The following JAKMIP1 variants were observed in gnomAD, a reference collection of about 807,000 sequenced individuals.
The protein encoded by JAKMIP1 is janus kinase and microtubule-interacting protein 1.
JAKMIP1 carries 33 observed loss-of-function variants against 113.0 expected under a neutral mutation model. That is an observed-to-expected ratio of 0.29 (90% CI 0.22 to 0.39). JAKMIP1 has a LOEUF of 0.39. JAKMIP1 is among the 10% of genes least tolerant of loss of function. The pLI is 1.00. For synonymous variants in JAKMIP1, 480 were observed against 459.9 expected, an observed-to-expected ratio of 1.04 and a Z score of -0.56; for missense variants, 813 against 1,080.5, an observed-to-expected ratio of 0.75 and a Z score of 3.47.
chr4:6,133,867 T>G (rs1357755216), intron 1 of JAKMIP1, among the ~76,000 whole-genome samples: 1 of 152,230 alleles, frequency 6.6e-6, no homozygotes, highest in Non-Finnish European at 1.5e-5. Context: ...CTTCTCTCTC[T>G]TCTTGGCTGC....
rs1385731055 is a variant in JAKMIP1, at chr4:6,076,666, C to T, written c.1302+2273G>A. Among the ~76,000 whole-genome samples, 6 of 152,036 alleles carry T rather than the reference C, an allele frequency of 3.9e-5. No individual in the cohort carries two copies. The highest frequency in any genetic ancestry group is 7.4e-5 in the Non-Finnish European group (5 of 68,020). On this transcript the variant is annotated intron_variant, in intron 8 of 20. Coordinates refer to ENST00000409021, the MANE Select transcript of JAKMIP1 (RefSeq NM_001099433.2). The surrounding 1 kb of genome is among the most constrained non-coding windows in gnomAD (Gnocchi z 4.8). ...GGTATATATTTTACAGGCTGAGTGT[C>T]CTTTATCTGAAATACTTGGAACCAG...
chr4:6,084,188 A>G (rs1720959276), intron 5 of JAKMIP1, among the ~76,000 whole-genome samples: 1 of 152,026 alleles, frequency 6.6e-6, no homozygotes, highest in Admixed American at 6.5e-5. Context: ...ATGGTGGCAC[A>G]TGCCTGTAAT....
In JAKMIP1 at chr4:6,069,993, G is replaced by T. The variant is rs760618028; in HGVS notation, c.1303-4985C>A. On this transcript the variant is annotated intron_variant, in intron 8 of 20. Coordinates refer to ENST00000409021, the MANE Select transcript of JAKMIP1 (RefSeq NM_001099433.2). This position sits in a 1 kb window ranked among gnomAD's most constrained non-coding sequence, Gnocchi z 4.5. ...GCCACCTGTCACAGGCAGGAGCATC[G>T]GTCGGCCACAGCCAGGGACCGCCAG... 2 of 398,002 alleles carry T rather than the reference G, an allele frequency of 5.0e-6. No homozygotes were observed. The highest frequency in any genetic ancestry group is 1.3e-4 in the South Asian group (1 of 7,766). 24.7% of individuals were successfully genotyped at this position (398,002 alleles called of 1,614,324 possible). A position where few individuals can be genotyped will look rare whatever the true frequency, so the allele number is the denominator to read the frequency against.
At chr4:6,043,843 A>G (rs1038999479) in intron 16 of JAKMIP1, among the ~76,000 whole-genome samples, 1 of 151,068 alleles carries the variant, frequency 6.6e-6, no homozygotes, top group African/African-American at 2.4e-5. Flanking sequence ...ACATCCCAGC[A>G]CCCCCGACAA....
chr4:6,169,262 G>T (rs1315793965), intron 1 of JAKMIP1, among the ~76,000 whole-genome samples: 2 of 152,162 alleles, frequency 1.3e-5, no homozygotes, highest in East Asian at 1.9e-4. Flanking sequence ...GGTTCCTGCA[G>T]GTGTCATGAG....
chr4:6,049,053 A>C lies in JAKMIP1; in HGVS notation c.1963-131T>G. ...ATTATGTTTGTTTGTTTTGAGACGG[A>C]GTCTCTCTCTGTCACCTGGGTTTGA... is the stretch of plus-strand genomic sequence containing the variant. On this transcript the variant is annotated intron_variant, in intron 15 of 20. Coordinates refer to ENST00000409021, the MANE Select transcript of JAKMIP1 (RefSeq NM_001099433.2). This position sits in a 1 kb window ranked among gnomAD's most constrained non-coding sequence, Gnocchi z 7.0. 1.4e-6 allele frequency: 1 copy of C among 696,636 alleles called. No homozygotes were observed. Among genetic ancestry groups the C allele is most frequent in the Non-Finnish European group, 2.5e-6 (1 of 400,946 alleles). 43.2% of individuals were successfully genotyped at this position (696,636 alleles called of 1,614,324 possible). A position where few individuals can be genotyped will look rare whatever the true frequency, so the allele number is the denominator to read the frequency against.
In JAKMIP1 at chr4:6,044,084, C is replaced by T. The variant is rs1275968424; in HGVS notation, c.2029-1857G>A. On this transcript the variant is annotated intron_variant, in intron 16 of 20. Transcript: ENST00000409021. The surrounding 1 kb of genome is among the most constrained non-coding windows in gnomAD (Gnocchi z 4.4). ...TCTTCAGGCCCTGAGCTAGCTGTCACCTCCTCCAGGAAGCCTACCCTGCTT... is the reference window on the plus strand; with the variant it reads ...TCTTCAGGCCCTGAGCTAGCTGTCATCTCCTCCAGGAAGCCTACCCTGCTT... 1.3e-5 allele frequency among the ~76,000 whole-genome samples: 2 copies of T among 152,122 alleles called. No individual in the cohort carries two copies. Among genetic ancestry groups the T allele is most frequent in the African/African-American group, 4.8e-5 (2 of 41,506 alleles).
In JAKMIP1 at chr4:6,137,797, G is replaced by C. The variant is rs935424151; in HGVS notation, c.-147-24800C>G. On this transcript the variant is annotated intron_variant, in intron 1 of 20. Transcript: ENST00000409021. The surrounding 1 kb of genome is among the most constrained non-coding windows in gnomAD (Gnocchi z 4.5). Reference sequence around the variant, plus strand: ...TGACCTGAACACAAGTGAGAGCCAGGTGGGGATAGGACAAGGTGCCCACTG... The same window carrying C: ...TGACCTGAACACAAGTGAGAGCCAGCTGGGGATAGGACAAGGTGCCCACTG... 6.6e-6 allele frequency among the ~76,000 whole-genome samples: 1 copy of C among 152,378 alleles called. No homozygotes were observed. Among genetic ancestry groups the C allele is most frequent in the East Asian group, 1.9e-4 (1 of 5,188 alleles).
chr4:6,129,066 G>A lies in JAKMIP1; in HGVS notation c.-147-16069C>T, dbSNP rs561909409. On this transcript the variant is annotated intron_variant, in intron 1 of 20. Transcript: ENST00000409021. The surrounding 1 kb of genome is among the most constrained non-coding windows in gnomAD (Gnocchi z 5.4). Reference sequence around the variant, plus strand: ...GCAAGGTGCCTTGCCCAGAGCAGGTGACAGTACCCCTGGGAGCCCTCTTTG... The same window carrying A: ...GCAAGGTGCCTTGCCCAGAGCAGGTAACAGTACCCCTGGGAGCCCTCTTTG... Among the ~76,000 whole-genome samples the A allele has an allele frequency of 2.0e-5, 3 of 152,322 alleles. No homozygotes were observed. Among genetic ancestry groups the A allele is most frequent in the East Asian group, 1.9e-4 (1 of 5,172 alleles).
intron 8 of JAKMIP1, among the ~76,000 whole-genome samples, chr4:6,074,113 A>G (rs938127333): frequency 1.3e-5 from 2 of 152,252 alleles, no homozygotes; most frequent in African/African-American, 4.8e-5. Flanking sequence ...ATCAGCACCA[A>G]TCTTGTCCCT....
At chr4:6,070,778 A>T (rs961424962) in intron 8 of JAKMIP1, among the ~76,000 whole-genome samples, 1 of 152,202 alleles carries the variant, frequency 6.6e-6, no homozygotes, top group Non-Finnish European at 1.5e-5. Context: ...CTTCTCTACC[A>T]TCAATTTGTC....
chr4:6,027,400 A>G (rs553331310), intron 20 of JAKMIP1, among the ~76,000 whole-genome samples: 2 of 152,174 alleles, frequency 1.3e-5, no homozygotes, highest in South Asian at 4.1e-4. Flanking sequence ...CATCTTCCAC[A>G]TGGGGAAACT....
chr4:6,098,054 C>T (rs533121931), intron 3 of JAKMIP1, among the ~76,000 whole-genome samples: 20 of 152,290 alleles, frequency 1.3e-4, no homozygotes, highest in Admixed American at 7.8e-4. Context: ...GGTTCTGATA[C>T]GCATGAGTCT....
In JAKMIP1 at chr4:6,142,145, G is replaced by A. The variant is rs1057254718; in HGVS notation, c.-147-29148C>T. The stretch of plus-strand genomic sequence containing the variant: ...TCATGAAATAAGAATTTTCCAAGAC[G>A]CTCTGAAGAGTGGTGGAGGCCTTCC... On this transcript the variant is annotated intron_variant, in intron 1 of 20. Transcript: ENST00000409021. The surrounding 1 kb of genome is among the most constrained non-coding windows in gnomAD (Gnocchi z 5.5). Among the ~76,000 whole-genome samples, 5 of 152,122 alleles carry A rather than the reference G, an allele frequency of 3.3e-5. No individual in the cohort carries two copies. The highest frequency in any genetic ancestry group is 5.9e-5 in the Non-Finnish European group (4 of 68,024).
At chr4:6,151,799 ATC>A (rs1244510165) in intron 1 of JAKMIP1, among the ~76,000 whole-genome samples, 1 of 152,164 alleles carries the variant, frequency 6.6e-6, no homozygotes, top group Non-Finnish European at 1.5e-5. Flanking sequence ...ACTTGTCTAG[ATC>A]TGTTTCTTTA....
rs960086190 is a variant in JAKMIP1 at position 6,044,417 on chromosome 4, C to A, written c.2029-2190G>T. Among the ~76,000 whole-genome samples, 3 of 152,126 alleles carry A rather than the reference C, an allele frequency of 2.0e-5. No individual in the cohort carries two copies. The highest frequency in any genetic ancestry group is 7.2e-5 in the African/African-American group (3 of 41,440). On this transcript the variant is annotated intron_variant, in intron 16 of 20. Transcript: ENST00000409021. This position sits in a 1 kb window ranked among gnomAD's most constrained non-coding sequence, Gnocchi z 4.4. The stretch of plus-strand genomic sequence containing the variant: ...TCCTGCCACAGAACTCCTTCCCTAA[C>A]GCCACAGTGAGCTCGGCCCCCAGTA...
rs917918567 is a variant in JAKMIP1, at chr4:6,171,020, A to C, written c.-148+29233T>G. Among the ~76,000 whole-genome samples, 838 of 127,654 alleles carry C rather than the reference A, an allele frequency of 6.6e-3. 6 individuals carry two copies. Among genetic ancestry groups the C allele is most frequent in the Non-Finnish European group, 0.01 (587 of 57,614 alleles). The allele number at this position is 127,654 out of a possible 152,430, so 83.7% of individuals were successfully genotyped here. On this transcript the variant is annotated intron_variant, in intron 1 of 20. Coordinates refer to ENST00000409021, the MANE Select transcript of JAKMIP1 (RefSeq NM_001099433.2). ...CCCTTACCACCACTGCCATCACCAT[A>C]ATCACCACCATCACCACCCTCACCA... is the stretch of plus-strand genomic sequence containing the variant.
rs914942858 is a variant in JAKMIP1, at chr4:6,155,417, A to G, written c.-147-42420T>C. ...AACATAGGTATTCTAGAGATTTAAAAAGTATGGAAAGGCTAAAACACTTGT... is the reference window on the plus strand; with the variant it reads ...AACATAGGTATTCTAGAGATTTAAAGAGTATGGAAAGGCTAAAACACTTGT... On this transcript the variant is annotated intron_variant, in intron 1 of 20. Transcript: ENST00000409021. This position sits in a 1 kb window ranked among gnomAD's most constrained non-coding sequence, Gnocchi z 6.1. Among the ~76,000 whole-genome samples the G allele has an allele frequency of 2.0e-5, 3 of 152,202 alleles. No individual in the cohort carries two copies. Among genetic ancestry groups the G allele is most frequent in the Non-Finnish European group, 4.4e-5 (3 of 68,046 alleles).
chr4:6,052,057 C>T (rs1715723348), intron 13 of JAKMIP1, among the ~76,000 whole-genome samples: 1 of 152,000 alleles, frequency 6.6e-6, no homozygotes, highest in African/African-American at 2.4e-5. Context: ...ATCTAGATGG[C>T]AGGGCTTAAG....
Sources: allele counts gnomAD v4.1 joint callset (sites outside exome capture counted in the v4.1 genomes callset), GRCh38; gene constraint gnomAD v4.1.1; non-coding constraint Gnocchi (gnomAD v3.1); transcripts MANE v1.5; gene names NCBI Gene and HGNC (gene_info 2026-07-23, HGNC 2026-07-21).